ANAPC10: variants seen among roughly 807,000 people sequenced by gnomAD.
ANAPC10 encodes anaphase promoting complex subunit 10.
ANAPC10 carries 12 observed loss-of-function variants against 22.0 expected under a neutral mutation model. That is an observed-to-expected ratio of 0.55 (90% confidence interval 0.35 to 0.88). The LOEUF (loss-of-function observed/expected upper bound fraction) is 0.88, where lower values mean the gene tolerates loss of function less well. Among genes scored for constraint, ANAPC10 ranks in the 40% least tolerant of loss-of-function variants. The pLI is 0.01. For missense variants in ANAPC10, 188 were observed against 220.9 expected, an observed-to-expected ratio of 0.85 and a Z score of 0.94; for synonymous variants, 65 against 69.5, an observed-to-expected ratio of 0.94 and a Z score of 0.32.
At chr4:145,072,624 C>A (rs967493438) in intron 3 of ANAPC10, among the ~76,000 whole-genome samples, 1 of 152,036 alleles carries the variant, frequency 6.6e-6, no homozygotes, top group African/African-American at 2.4e-5. Flanking sequence ...AAAGTTAGTT[C>A]TCAAGTGCTA....
At chr4:145,018,565 G>C (rs1735550856) in intron 4 of ANAPC10, among the ~76,000 whole-genome samples, 2 of 151,946 alleles carry the variant, frequency 1.3e-5, no homozygotes, top group South Asian at 4.1e-4. Flanking sequence ...TTTAACCTGA[G>C]AGGCAGAGTT....
At chr4:145,015,823 A>G (rs999401139) in intron 4 of ANAPC10, among the ~76,000 whole-genome samples, 1 of 152,186 alleles carries the variant, frequency 6.6e-6, no homozygotes, top group African/African-American at 2.4e-5. Flanking sequence ...AGAATTTTGT[A>G]TCCAGTGAAA....
intron 4 of ANAPC10, among the ~76,000 whole-genome samples, chr4:145,058,328 G>A (rs1373775048): frequency 1.3e-5 from 2 of 152,078 alleles, no homozygotes; most frequent in African/African-American, 4.8e-5. Context: ...TTTTGCACCT[G>A]AATAGGCTTT....
At chr4:145,097,313 A>T in intron 1 of ANAPC10, 1 of 405,898 alleles carries the variant, frequency 2.5e-6, no homozygotes, top group South Asian at 2.0e-5. Context: ...TAACTGGCCC[A>T]TTCTAAAAAG....
intron 3 of ANAPC10, among the ~76,000 whole-genome samples, chr4:145,065,468 A>C (rs1325092499): frequency 6.6e-6 from 1 of 152,048 alleles, no homozygotes; most frequent in Non-Finnish European, 1.5e-5. Flanking sequence ...CAGTTAGTAG[A>C]AACACAACCT....
chr4:145,086,228 G>A (rs1013199574), intron 2 of ANAPC10, among the ~76,000 whole-genome samples: 1 of 152,142 alleles, frequency 6.6e-6, no homozygotes, highest in African/African-American at 2.4e-5. Flanking sequence ...CTCCCAAAGT[G>A]CTTAGATTAC....
At chr4:145,088,369 C>A (rs1225878813) in intron 2 of ANAPC10, among the ~76,000 whole-genome samples, 1 of 152,164 alleles carries the variant, frequency 6.6e-6, no homozygotes, top group Non-Finnish European at 1.5e-5. Flanking sequence ...CCTCTACAGT[C>A]AATTGCTTAC....
In ANAPC10 at chr4:144,995,379, T is replaced by C. The variant is rs1238291416; in HGVS notation, c.552A>G (p.Ile184Met). Reference protein sequence around the residue: ...TTIDFMMYRSIR With the variant: ...TTIDFMMYRSMR ...TTTTCGTCTCATTTTAAAGTCACCT[T>C]ATTGAACGATACATCATGAAATCTA... The change falls in exon 5 of 5, where the codon ATA becomes ATG. Residue 184 changes from isoleucine to methionine, a missense_variant. Coordinates refer to ENST00000507656, the MANE Select transcript of ANAPC10 (RefSeq NM_001256706.2). 1.2e-6 allele frequency: 2 copies of C among 1,602,700 alleles called. No homozygotes were observed. The highest frequency in any genetic ancestry group is 1.7e-6 in the Non-Finnish European group (2 of 1,171,458).
At chr4:145,077,217 G>C (rs1745333012) in intron 3 of ANAPC10, among the ~76,000 whole-genome samples, 1 of 151,610 alleles carries the variant, frequency 6.6e-6, no homozygotes, top group Non-Finnish European at 1.5e-5. Context: ...TAAATAAATA[G>C]AATAAAATAA....
At chr4:145,089,871 C>T (rs1747414979) in intron 2 of ANAPC10, among the ~76,000 whole-genome samples, 1 of 152,104 alleles carries the variant, frequency 6.6e-6, no homozygotes, top group Admixed American at 6.6e-5. Flanking sequence ...ATCCATCCTC[C>T]ACACTTCTCA....
intron 4 of ANAPC10, chr4:145,064,368 A>T (rs1461215522): frequency 2.7e-6 from 1 of 366,306 alleles, no homozygotes; most frequent in East Asian, 4.3e-5. Context: ...ATGTCTGAAA[A>T]TTTCAATAAT....
intron 3 of ANAPC10, among the ~76,000 whole-genome samples, chr4:145,080,713 G>C (rs1186292090): frequency 6.6e-6 from 1 of 152,012 alleles, no homozygotes; most frequent in Non-Finnish European, 1.5e-5. Flanking sequence ...TTCCAGACCA[G>C]CCTGACCAAC....
chr4:145,038,380 G>A (rs1738943368), intron 4 of ANAPC10, among the ~76,000 whole-genome samples: 1 of 152,118 alleles, frequency 6.6e-6, no homozygotes, highest in African/African-American at 2.4e-5. Flanking sequence ...AGGCATGGTG[G>A]TGCACGCCTG....
intron 4 of ANAPC10, among the ~76,000 whole-genome samples, chr4:145,008,480 T>C (rs1023720852): frequency 1.4e-4 from 22 of 152,158 alleles, no homozygotes; most frequent in Admixed American, 1.3e-4. Context: ...TCAAAAAGCT[T>C]ACCCACCACG....
chr4:145,061,411 A>G (rs6823268), intron 4 of ANAPC10, among the ~76,000 whole-genome samples: 42,410 of 152,038 alleles, frequency 0.28, 7,433 homozygotes, highest in Non-Finnish European at 0.38. Context: ...CTTCCCAAAA[A>G]TGCATCAAAG....
intron 4 of ANAPC10, among the ~76,000 whole-genome samples, chr4:145,005,165 C>T (rs141471580): frequency 1.3e-5 from 2 of 152,116 alleles, no homozygotes; most frequent in African/African-American, 4.8e-5. Context: ...ATCCTCCTAC[C>T]TCAGTCTCCT....
intron 4 of ANAPC10, among the ~76,000 whole-genome samples, chr4:145,007,112 C>A (rs1733492708): frequency 1.3e-5 from 2 of 152,070 alleles, no homozygotes; most frequent in Non-Finnish European, 2.9e-5. Context: ...TATATGCACC[C>A]AATACGGGAG....
chr4:144,995,704 C>A, intron 4 of ANAPC10, 101 bp from the exon 5 acceptor site: 13 of 816,880 alleles, frequency 1.6e-5, no homozygotes, highest in Non-Finnish European at 2.1e-5. Context: ...TAACATTTTG[C>A]TCAACGAAAG....
intron 4 of ANAPC10, among the ~76,000 whole-genome samples, chr4:145,056,290 T>C (rs975837731): frequency 6.6e-6 from 1 of 152,038 alleles, no homozygotes; most frequent in African/African-American, 2.4e-5. Flanking sequence ...ACTGCTACAC[T>C]CCCACCAGCA....
Sources: gnomAD v4.1 joint callset for allele counts (sites outside exome capture counted in the v4.1 genomes callset) on GRCh38, gnomAD v4.1.1 for gene constraint, MANE v1.5 for transcripts, NCBI Gene and HGNC (gene_info 2026-07-23, HGNC 2026-07-21) for gene names.